MYH13: variants seen among roughly 807,000 people sequenced by gnomAD.
MYH13 encodes myosin-13.
In MYH13, 177 loss-of-function variants were observed where a neutral mutation model predicts 232.1. The ratio of observed to expected loss-of-function variants is 0.76; its 90% CI spans 0.67 to 0.86. The LOEUF (loss-of-function observed/expected upper bound fraction) is 0.86. Among genes scored for constraint, MYH13 ranks in the 40% least tolerant of loss-of-function variants. The pLI, the probability that MYH13 is intolerant of heterozygous loss-of-function variation, is 0.00. For missense variants in MYH13, 2,246 were observed against 2,405.9 expected, an observed-to-expected ratio of 0.93 and a Z score of 1.39; for synonymous variants, 884 against 923.5, an observed-to-expected ratio of 0.96 and a Z score of 0.78.
At chr17:10,320,055 G>A (rs1906875833) in intron 26 of MYH13, 98 bp downstream of exon 26, 1 of 867,304 alleles carries the variant, frequency 1.2e-6, no homozygotes, top group South Asian at 1.7e-5. Flanking sequence ...TTTAGCAGGA[G>A]GAAGGAAAGA....
intron 8 of MYH13, among the ~76,000 whole-genome samples, chr17:10,356,015 C>T (rs992876301): frequency 5.3e-5 from 8 of 151,924 alleles, no homozygotes; most frequent in African/African-American, 1.9e-4. Context: ...TCTAGGTGGC[C>T]CACTTTCTGG....
chr17:10,349,053 C>T (rs1597386524), intron 12 of MYH13, among the ~76,000 whole-genome samples: 1 of 149,760 alleles, frequency 6.7e-6, no homozygotes, highest in South Asian at 2.1e-4. Context: ...CCCTTCCCTT[C>T]CCTTCCTTTC....
At chr17:10,325,659 A>G (rs1211081968) in intron 22 of MYH13, among the ~76,000 whole-genome samples, 2 of 152,236 alleles carry the variant, frequency 1.3e-5, no homozygotes, top group Admixed American at 1.3e-4. Context: ...ATATCTTCCC[A>G]TATAAGAATA....
chr17:10,333,288 G>A (rs1449608616), intron 18 of MYH13, 97 bp from the exon 19 acceptor site: 2 of 850,516 alleles, frequency 2.4e-6, no homozygotes, highest in Admixed American at 2.1e-5. Context: ...CCACACTTGA[G>A]TGGGAGAGTC....
chr17:10,353,409 G>A (rs955535229), intron 11 of MYH13, among the ~76,000 whole-genome samples: 5 of 152,284 alleles, frequency 3.3e-5, no homozygotes, highest in Admixed American at 6.5e-5. Context: ...TAAGAAGCTG[G>A]TCATGGGGCA....
intron 20 of MYH13, among the ~76,000 whole-genome samples, 185 bp downstream of exon 20, chr17:10,331,914 A>G (rs930709887): frequency 2.6e-5 from 4 of 152,060 alleles, no homozygotes; most frequent in African/African-American, 9.7e-5. Flanking sequence ...CTAAGCTTTC[A>G]GCCACTTACA....
chr17:10,345,063 A>C, intron 15 of MYH13, 139 bp downstream of exon 15: 1 of 1,331,176 alleles, frequency 7.5e-7, no homozygotes, highest in Admixed American at 2.3e-5. Context: ...TTCTCTTTGC[A>C]AATAGGCATT....
rs1282545431 is a variant in MYH13 at position 10,311,896 on chromosome 17, G to A, written c.4531+15C>T. 6.2e-7 allele frequency: 1 copy of A among 1,613,856 alleles called. No individual in the cohort carries two copies. Among genetic ancestry groups the A allele is most frequent in the Non-Finnish European group, 8.5e-7 (1 of 1,179,858 alleles). On this transcript the variant is annotated intron_variant, in intron 32 of 40. Transcript: ENST00000252172. ...GAGGGGGACATAGCACACACCAGTG[G>A]TGGAGACAGCTCACCTTGCAGATTT...
At chr17:10,349,454 C>G (rs2071693121) in intron 12 of MYH13, among the ~76,000 whole-genome samples, 2 of 151,724 alleles carry the variant, frequency 1.3e-5, no homozygotes, top group South Asian at 4.2e-4. Context: ...TTTCAGAATC[C>G]TATTCATCCC....
At position 10,313,322 on chromosome 17, in the gene MYH13, G is replaced by C; in HGVS notation, c.4017C>G (p.Ser1339=). The C allele has an allele frequency of 6.2e-7, 1 of 1,614,264 alleles. No homozygotes were observed. The highest frequency in any genetic ancestry group is 8.5e-7 in the Non-Finnish European group (1 of 1,180,052). Residue 1339 remains serine (S), a synonymous_variant, in exon 30 of 41, where the codon TCC becomes TCG. Transcript: ENST00000252172. ...AKNAMAHALQ[S]SRHDCDLLRE... is the part of the protein sequence containing the mutation. ...GCAGCAGGTCACAGTCGTGGCGGGA[G>C]GACTGCAGGGCGTGCGCCATGGCGT... is the stretch of plus-strand genomic sequence containing the variant.
chr17:10,323,800 A>G (rs1194377661), intron 23 of MYH13, among the ~76,000 whole-genome samples: 3 of 106,316 alleles, frequency 2.8e-5, no homozygotes, highest in African/African-American at 1.0e-4. Context: ...GAAGAAGAAG[A>G]AGAAGAAGAA....
chr17:10,323,614 C>T lies in MYH13; in HGVS notation c.2934+408G>A, dbSNP rs574378823. ...CTCTACTAAAAATACAAAAAATTAG[C>T]TGGGCATGGTGGTGTGTGCCTGTAA... is the stretch of plus-strand genomic sequence containing the variant. On this transcript the variant is annotated intron_variant, in intron 23 of 40. Coordinates refer to ENST00000252172, the MANE Select transcript of MYH13 (RefSeq NM_003802.3). Among the ~76,000 whole-genome samples, 304 of 151,794 alleles carry T rather than the reference C, an allele frequency of 2.0e-3. 3 individuals carry two copies. The highest frequency in any genetic ancestry group is 7.1e-3 in the African/African-American group (292 of 41,386).
At chr17:10,323,832 G>GA (rs1555549904) in intron 23 of MYH13, among the ~76,000 whole-genome samples, 190 bp downstream of exon 23, 1 of 141,388 alleles carries the variant, frequency 7.1e-6, no homozygotes, top group South Asian at 2.4e-4. Context: ...AGAAGAAGAA[G>GA]AGTCTATGGG....
At position 10,309,821 on chromosome 17, in the gene MYH13, C is replaced by T; in HGVS notation, c.4666G>A (p.Glu1556Lys). 1 of 1,574,250 alleles carries T rather than the reference C, an allele frequency of 6.4e-7. No homozygotes were observed. Among genetic ancestry groups the T allele is most frequent in the Non-Finnish European group, 8.6e-7 (1 of 1,158,472 alleles). ...VALEEVEGSLEHEESKILRVQ... is the reference protein window; with the variant it reads ...VALEEVEGSLKHEESKILRVQ... ...CGCAAGATCTTGCTCTCCTCGTGTTCCAAGGAACCCTGACGAAAGCAAAGG... is the reference window on the plus strand; with the variant it reads ...CGCAAGATCTTGCTCTCCTCGTGTTTCAAGGAACCCTGACGAAAGCAAAGG... The change falls in exon 34 of 41, where the codon GAA (glutamate) becomes AAA (lysine). Residue 1556 changes from glutamate (E) to lysine (K), a missense_variant. Coordinates refer to ENST00000252172, the MANE Select transcript of MYH13 (RefSeq NM_003802.3).
In MYH13 at chr17:10,301,462, T is replaced by C. The variant is rs529072083; in HGVS notation, c.5802+107A>G. 2.7e-5 allele frequency: 41 copies of C among 1,526,198 alleles called. No individual in the cohort carries two copies. In the Admixed American group the frequency reaches 5.3e-4, roughly 20 times the overall value. 94.5% of individuals were successfully genotyped at this position (1,526,198 alleles called of 1,614,324 possible). A position where few individuals can be genotyped will look rare whatever the true frequency, so the allele number is the denominator to read the frequency against. Reference sequence around the variant, plus strand: ...TCTTACCTGGTCCCCACATCTCAGGTACCTGCCCTTATCTGGCCTCCCACA... The same window carrying C: ...TCTTACCTGGTCCCCACATCTCAGGCACCTGCCCTTATCTGGCCTCCCACA... On this transcript the variant is annotated intron_variant, in intron 40 of 40. Transcript: ENST00000252172.
intron 37 of MYH13, among the ~76,000 whole-genome samples, chr17:10,303,913 C>A (rs996710123): frequency 6.6e-6 from 1 of 152,124 alleles, no homozygotes; most frequent in Non-Finnish European, 1.5e-5. Flanking sequence ...AAATATGGCA[C>A]ATATACATCA....
At chr17:10,323,669 G>A (rs1038728288) in intron 23 of MYH13, among the ~76,000 whole-genome samples, 7 of 149,124 alleles carry the variant, frequency 4.7e-5, no homozygotes, top group Non-Finnish European at 1.0e-4. Flanking sequence ...TGAGGCAGGA[G>A]AATTGCTTGA....
At position 10,304,672 on chromosome 17, in the gene MYH13, A is replaced by G. The variant is rs1346048465; in HGVS notation, c.5467-1174T>C. Among the ~76,000 whole-genome samples the G allele has an allele frequency of 2.6e-5, 4 of 152,244 alleles. No homozygotes were observed. Among genetic ancestry groups the G allele is most frequent in the Admixed American group, 6.5e-5 (1 of 15,286 alleles). On this transcript the variant is annotated intron_variant, in intron 37 of 40. Transcript: ENST00000252172. This position sits in a 1 kb window ranked among gnomAD's most constrained non-coding sequence, Gnocchi z 5.3. The stretch of plus-strand genomic sequence containing the variant: ...AGCAAGTCAGTCGCCACCACTGAGC[A>G]TGAGTTTCTGTATATTTAGGATGGA...
chr17:10,319,338 G>A (rs895403695), intron 26 of MYH13, among the ~76,000 whole-genome samples, 159 bp from the exon 27 acceptor site: 21 of 151,832 alleles, frequency 1.4e-4, no homozygotes, highest in East Asian at 5.8e-4. Flanking sequence ...GTGAAACTCC[G>A]CCTCTACTAA....
Sources: gnomAD v4.1 joint callset for allele counts (sites outside exome capture counted in the v4.1 genomes callset) on GRCh38, gnomAD v4.1.1 for gene constraint, Gnocchi (gnomAD v3.1) non-coding constraint, MANE v1.5 for transcripts, NCBI Gene and HGNC (gene_info 2026-07-23, HGNC 2026-07-21) for gene names.